TMEM144: variants seen among roughly 807,000 people sequenced by gnomAD.
TMEM144 encodes transmembrane protein 144.
A neutral mutation model predicts 43.6 loss-of-function variants in TMEM144; 39 were observed. That is an observed-to-expected ratio of 0.90 (90% CI 0.69 to 1.17). TMEM144 has a LOEUF of 1.17. Among genes scored for constraint, TMEM144 ranks in the 50% most tolerant of loss-of-function variants. The pLI is 0.00. For synonymous variants in TMEM144, 154 were observed against 133.6 expected, an observed-to-expected ratio of 1.15 and a Z score of -1.06; for missense variants, 417 against 411.9, an observed-to-expected ratio of 1.01 and a Z score of -0.11.
chr4:158,229,443 G>A (rs958711462), intron 6 of TMEM144, among the ~76,000 whole-genome samples: 1 of 152,168 alleles, frequency 6.6e-6, no homozygotes, highest in Non-Finnish European at 1.5e-5. Context: ...CAGGGTGCCT[G>A]ACAAACCCTG....
At chr4:158,220,167 C>G (rs1734444365) in intron 6 of TMEM144, among the ~76,000 whole-genome samples, 1 of 152,174 alleles carries the variant, frequency 6.6e-6, no homozygotes, top group Non-Finnish European at 1.5e-5. Context: ...GCAATGATGG[C>G]TTTTCCCCAG....
At chr4:158,223,512 C>T (rs1251461516) in intron 6 of TMEM144, among the ~76,000 whole-genome samples, 1 of 152,056 alleles carries the variant, frequency 6.6e-6, no homozygotes, top group Non-Finnish European at 1.5e-5. Flanking sequence ...TACATGTGTA[C>T]CATGGTGGTT....
chr4:158,222,152 A>G (rs140674286), intron 6 of TMEM144, among the ~76,000 whole-genome samples: 1 of 152,262 alleles, frequency 6.6e-6, no homozygotes, highest in African/African-American at 2.4e-5. Flanking sequence ...ACTTGTATAC[A>G]TGTGATTGTA....
At position 158,244,338 on chromosome 4, in the gene TMEM144, A is replaced by T; in HGVS notation, c.943A>T (p.Lys315Ter). The T allele has an allele frequency of 1.2e-6, 2 of 1,609,048 alleles. No individual in the cohort carries two copies. The highest frequency in any genetic ancestry group is 1.7e-6 in the Non-Finnish European group (2 of 1,177,256). ...TGCAATGTGGGGTATCTTCATGTTTAAGGAAATAAAGGTATGTACAAGAAA... is the reference window on the plus strand; with the variant it reads ...TGCAATGTGGGGTATCTTCATGTTTTAGGAAATAAAGGTATGTACAAGAAA... The part of the protein sequence containing the change: ...IAAMWGIFMF[K>*]EIKGLQNYLL... The change falls in exon 12 of 13, where the codon AAG becomes TAG. Residue 315 changes from lysine to a stop codon, truncating the protein, a stop_gained. Transcript: ENST00000296529. LOFTEE classifies it high-confidence loss of function.
intron 9 of TMEM144, among the ~76,000 whole-genome samples, chr4:158,239,617 C>T (rs1735523750): frequency 6.6e-6 from 1 of 152,118 alleles, no homozygotes; most frequent in Non-Finnish European, 1.5e-5. Context: ...TTCACATTCT[C>T]ACTGTGGTCA....
At chr4:158,232,389 A>G (rs895874865) in intron 6 of TMEM144, among the ~76,000 whole-genome samples, 5 of 152,204 alleles carry the variant, frequency 3.3e-5, no homozygotes, top group African/African-American at 1.2e-4. Context: ...GTTTGAGTGT[A>G]CCTGTGTGAG....
intron 6 of TMEM144, among the ~76,000 whole-genome samples, chr4:158,230,021 TC>T (rs933939545): frequency 4.7e-4 from 72 of 152,188 alleles, no homozygotes; most frequent in Non-Finnish European, 6.9e-4. Flanking sequence ...TGGTCACCCC[TC>T]CCTTCGGGAG....
intron 6 of TMEM144, among the ~76,000 whole-genome samples, chr4:158,232,409 G>A (rs192259623): frequency 4.8e-4 from 73 of 152,270 alleles, no homozygotes; most frequent in Non-Finnish European, 7.6e-4. Context: ...GTGGGCCTCC[G>A]GCAGGATTGG....
Position 158,222,277 on chromosome 4 carries a change from T to C in TMEM144, c.413+2887T>C, listed in dbSNP as rs1734547044. Among the ~76,000 whole-genome samples the C allele has an allele frequency of 2.6e-5, 4 of 152,290 alleles. No individual in the cohort carries two copies. The South Asian group carries it at 8.3e-4, about 32-fold the overall frequency. ...GTCCTGTTTAAAAACCTTTGAATGT[T>C]CCCCACTGAATTCAGAATAAACTTG... On this transcript the variant is annotated intron_variant, in intron 6 of 12. Transcript: ENST00000296529.
chr4:158,244,290 T>C lies in TMEM144; in HGVS notation c.901-6T>C. 6.3e-7 allele frequency: 1 copy of C among 1,579,998 alleles called. No individual in the cohort carries two copies. The highest frequency in any genetic ancestry group is 8.6e-7 in the Non-Finnish European group (1 of 1,160,692). On this transcript the variant is annotated splice_polypyrimidine_tract_variant and splice_region_variant and intron_variant, in intron 11 of 12. Coordinates refer to ENST00000296529, the MANE Select transcript of TMEM144 (RefSeq NM_018342.5). Reference sequence around the variant, plus strand: ...AATTTAATTAAAATTTATATTTTTATTTAAGGGTCCAGGATTTATAGCTGC... The same window carrying C: ...AATTTAATTAAAATTTATATTTTTACTTAAGGGTCCAGGATTTATAGCTGC...
intron 7 of TMEM144, chr4:158,234,826 T>A (rs559626711): frequency 6.5e-6 from 1 of 152,740 alleles, no homozygotes; most frequent in African/African-American, 2.4e-5. Context: ...CAGTGTGAAA[T>A]TGAAAACTTA....
In TMEM144 at chr4:158,232,933, T is replaced by A; in HGVS notation, c.446T>A (p.Ile149Lys). The change falls in exon 7 of 13, where the codon ATA (isoleucine) becomes AAA (lysine). Residue 149 changes from isoleucine to lysine, a missense_variant. Physicochemically the swap from Ile to Lys is moderately radical, Grantham distance 102. Transcript: ENST00000296529. ...ATATTTTTGTTCATCAAAAGTGAAA[T>A]ACCAAATAACACGTGTTCCATGGAT... is the stretch of plus-strand genomic sequence containing the variant. Reference protein sequence around the residue: ...AFIFLFIKSEIPNNTCSMDTT... With the variant: ...AFIFLFIKSEKPNNTCSMDTT... 1 of 1,612,118 alleles carries A rather than the reference T, an allele frequency of 6.2e-7. No homozygotes were observed. The highest frequency in any genetic ancestry group is 1.1e-5 in the South Asian group (1 of 90,660).
chr4:158,233,224 T>C, intron 7 of TMEM144: 1 of 299,994 alleles, frequency 3.3e-6, no homozygotes, highest in Non-Finnish European at 6.2e-6. Context: ...CTAGGTGATA[T>C]ATATATAACC....
chr4:158,250,607 C>T (rs1290288300), intron 12 of TMEM144, among the ~76,000 whole-genome samples: 1 of 152,218 alleles, frequency 6.6e-6, no homozygotes, highest in Non-Finnish European at 1.5e-5. Flanking sequence ...GCAGCAAAGA[C>T]AGAACCACCC....
intron 7 of TMEM144, 57 bp from the exon 8 acceptor site, chr4:158,235,381 A>C: frequency 6.4e-7 from 1 of 1,556,514 alleles, no homozygotes; most frequent in Admixed American, 1.7e-5. Context: ...TATTGTCACC[A>C]GTGTGATTAT....
chr4:158,218,390 G>T (rs1469535851), intron 5 of TMEM144, among the ~76,000 whole-genome samples: 1 of 151,950 alleles, frequency 6.6e-6, no homozygotes, highest in Non-Finnish European at 1.5e-5. Flanking sequence ...TTACCTTTTG[G>T]ACTCCCTTTC....
At chr4:158,215,150 A>C in intron 3 of TMEM144, 41 bp from the exon 4 acceptor site, 1 of 1,612,304 alleles carries the variant, frequency 6.2e-7, no homozygotes, top group Non-Finnish European at 8.5e-7. Flanking sequence ...AATTTACTCA[A>C]TTCAATTTGA....
intron 6 of TMEM144, among the ~76,000 whole-genome samples, chr4:158,232,671 G>T (rs1199201224): frequency 6.6e-6 from 1 of 152,196 alleles, no homozygotes; most frequent in African/African-American, 2.4e-5. Context: ...GATGTAGAAG[G>T]AAAGCTTATG....
chr4:158,212,011 T>G (rs1733982791), intron 2 of TMEM144: 1 of 152,210 alleles, frequency 6.6e-6, no homozygotes, highest in Non-Finnish European at 1.5e-5. Context: ...ACTATAACAT[T>G]AAATTTGCAG....
Sources: allele counts gnomAD v4.1 joint callset (sites outside exome capture counted in the v4.1 genomes callset), GRCh38; gene constraint gnomAD v4.1.1; transcripts MANE v1.5; gene names NCBI Gene and HGNC (gene_info 2026-07-23, HGNC 2026-07-21).